TTC33: variants seen among roughly 807,000 people sequenced by gnomAD.
TTC33 encodes the protein tetratricopeptide repeat domain 33.
Under a neutral mutation model 29.4 loss-of-function variants are expected in TTC33, and 24 were observed. That is an observed-to-expected ratio of 0.82 (90% CI 0.59 to 1.15). The LOEUF (loss-of-function observed/expected upper bound fraction) is 1.15. TTC33 is among the 50% of genes most tolerant of loss of function. The pLI is 0.00. For missense variants in TTC33, 286 were observed against 310.4 expected (o/e 0.92, Z 0.59); for synonymous variants, 107 against 100.3 (o/e 1.07, Z -0.40).
chr5:40,747,793 T>G (rs1269252907), intron 1 of TTC33, among the ~76,000 whole-genome samples: 2 of 152,174 alleles, frequency 1.3e-5, no homozygotes, highest in Non-Finnish European at 2.9e-5. Flanking sequence ...GTGGATCTTG[T>G]TTCACTCCTG....
chr5:40,721,778 C>T (rs1226291751), intron 4 of TTC33, among the ~76,000 whole-genome samples: 3 of 151,964 alleles, frequency 2.0e-5, no homozygotes, highest in East Asian at 3.9e-4. Context: ...ACATAGGCAA[C>T]AAAATCAAAA....
intron 1 of TTC33, among the ~76,000 whole-genome samples, chr5:40,752,717 T>A (rs531318409): frequency 6.6e-6 from 1 of 152,214 alleles, no homozygotes; most frequent in African/African-American, 2.4e-5. Flanking sequence ...ATAACAGATA[T>A]AGTAATAATT....
At position 40,716,050 on chromosome 5, in the gene TTC33, G is replaced by T; in HGVS notation, c.*95C>A. On this transcript the variant is annotated 3_prime_UTR_variant, in exon 5 of 5. Transcript: ENST00000337702. ...TCTGAAAAACATATTTTACAACCAG[G>T]CGTTCTCCTATCTATCTCCAGAGTA... The T allele has an allele frequency of 3.0e-6, 3 of 1,012,864 alleles. No individual in the cohort carries two copies. The highest frequency in any genetic ancestry group is 3.8e-5 in the South Asian group (2 of 52,406). The allele number at this position is 1,012,864 out of a possible 1,614,324, so 62.7% of individuals were successfully genotyped here.
At chr5:40,747,114 G>A (rs1181490351) in intron 1 of TTC33, 95 bp from the exon 2 acceptor site, 9 of 1,108,952 alleles carry the variant, frequency 8.1e-6, no homozygotes, top group Non-Finnish European at 1.2e-5. Flanking sequence ...GCTGGAGTAC[G>A]ATGGCACGAC....
chr5:40,753,593 A>T (rs937879193), intron 1 of TTC33, among the ~76,000 whole-genome samples: 1 of 152,192 alleles, frequency 6.6e-6, no homozygotes, highest in East Asian at 1.9e-4. Context: ...GTAGGGGAAG[A>T]TGGCTGAAAA....
chr5:40,721,031 T>C (rs867057582), intron 4 of TTC33, among the ~76,000 whole-genome samples: 24 of 152,176 alleles, frequency 1.6e-4, no homozygotes, highest in South Asian at 4.1e-4. Flanking sequence ...ACCCTATCTG[T>C]TCCCCCAGCT....
intron 2 of TTC33, among the ~76,000 whole-genome samples, chr5:40,736,862 C>T (rs1207805599): frequency 6.6e-6 from 1 of 152,096 alleles, no homozygotes; most frequent in Non-Finnish European, 1.5e-5. Context: ...AATCTGACTT[C>T]AAAATCTACA....
At chr5:40,716,730 A>G (rs1424359348) in intron 4 of TTC33, among the ~76,000 whole-genome samples, 2 of 152,212 alleles carry the variant, frequency 1.3e-5, no homozygotes, top group East Asian at 3.8e-4. Flanking sequence ...AAAAGCCATT[A>G]AAATGGGAGT....
chr5:40,746,900 C>G lies in TTC33; in HGVS notation c.119G>C (p.Trp40Ser). 6.2e-7 allele frequency: 1 copy of G among 1,614,114 alleles called. No individual in the cohort carries two copies. The highest frequency in any genetic ancestry group is 8.5e-7 in the Non-Finnish European group (1 of 1,180,004). Residue 40 changes from tryptophan (W) to serine (S), a missense_variant, in exon 2 of 5, where the codon TGG becomes TCG. By Grantham distance (177) the Trp-to-Ser change is radical. Transcript: ENST00000337702. ...TTTCCTACGTTTAATGGCATGAAGC[C>G]AGTTCCCTTCATCGTTGTCAACTAC... is the stretch of plus-strand genomic sequence containing the variant. ...KDVVDNDEGN[W>S]LHAIKRRKEI...
chr5:40,752,262 A>G (rs1742910391), intron 1 of TTC33, among the ~76,000 whole-genome samples: 1 of 152,196 alleles, frequency 6.6e-6, no homozygotes, highest in South Asian at 2.1e-4. Flanking sequence ...AAGCTTCTCC[A>G]TATTAGCAAT....
chr5:40,719,529 G>C (rs1742081025), intron 4 of TTC33, among the ~76,000 whole-genome samples: 1 of 152,158 alleles, frequency 6.6e-6, no homozygotes, highest in African/African-American at 2.4e-5. Flanking sequence ...AAATGTTTTT[G>C]TGTGGACATA....
At chr5:40,738,499 CAATACAATAA>C (rs1561151183) in intron 2 of TTC33, among the ~76,000 whole-genome samples, 13 of 80,848 alleles carry the variant, frequency 1.6e-4, no homozygotes, top group African/African-American at 2.9e-4. Flanking sequence ...CAATACAATA[CAATACAATAA>C]AATACAATAA....
intron 2 of TTC33, among the ~76,000 whole-genome samples, chr5:40,736,328 C>A (rs1299024907): frequency 1.3e-5 from 2 of 152,158 alleles, no homozygotes; most frequent in Non-Finnish European, 2.9e-5. Context: ...GGTCACACAG[C>A]AAGATCACCC....
intron 1 of TTC33, among the ~76,000 whole-genome samples, chr5:40,754,795 A>T (rs1424703159): frequency 6.6e-6 from 1 of 152,200 alleles, no homozygotes; most frequent in Non-Finnish European, 1.5e-5. Flanking sequence ...AGGTATGTGA[A>T]TCCTAGAGCA....
chr5:40,751,961 G>A (rs199948773), intron 1 of TTC33, among the ~76,000 whole-genome samples: 2,313 of 125,032 alleles, frequency 0.018, no homozygotes, highest in Non-Finnish European at 0.022. Context: ...CGTCTCAAAA[G>A]AAAAAAAAAA....
rs977104820 is a variant in TTC33, at chr5:40,726,076, C to T, written c.435+2269G>A. ...CTGGGATTACAGACTTGAGCCACCGCGCCTGGCTTCAGCTTTCTTATTCTC... is the reference window on the plus strand; with the variant it reads ...CTGGGATTACAGACTTGAGCCACCGTGCCTGGCTTCAGCTTTCTTATTCTC... On this transcript the variant is annotated intron_variant, in intron 4 of 4. Transcript: ENST00000337702. 4.6e-5 allele frequency among the ~76,000 whole-genome samples: 7 copies of T among 151,698 alleles called. No homozygotes were observed. In the East Asian group the frequency reaches 5.8e-4, roughly 13 times the overall value.
chr5:40,713,062 T>G lies in TTC33; in HGVS notation c.*3083A>C, dbSNP rs1373977896. ...TAACTTTCTCAGTCCTAAAATTCTT[T>G]ATTATCAAATACATCAGTTTAATAA... On this transcript the variant is annotated 3_prime_UTR_variant, in exon 5 of 5. Transcript: ENST00000337702. 6.6e-6 allele frequency among the ~76,000 whole-genome samples: 1 copy of G among 152,170 alleles called. No homozygotes were observed. The highest frequency in any genetic ancestry group is 1.5e-5 in the Non-Finnish European group (1 of 68,018).
intron 2 of TTC33, among the ~76,000 whole-genome samples, chr5:40,740,214 A>G (rs1404661406): frequency 6.6e-6 from 1 of 151,180 alleles, no homozygotes; most frequent in East Asian, 1.9e-4. Flanking sequence ...CAGTCTTCAT[A>G]CTTACCCATG....
chr5:40,755,052 CCAGA>C (rs1742960003), intron 1 of TTC33, among the ~76,000 whole-genome samples: 2 of 152,128 alleles, frequency 1.3e-5, no homozygotes, highest in Non-Finnish European at 2.9e-5. Flanking sequence ...ACTCATGAAA[CCAGA>C]CAAATTCAAC....
Sources: allele counts gnomAD v4.1 joint callset (sites outside exome capture counted in the v4.1 genomes callset), GRCh38; gene constraint gnomAD v4.1.1; transcripts MANE v1.5; gene names NCBI Gene and HGNC (gene_info 2026-07-23, HGNC 2026-07-21).